PKD1: variants seen among roughly 807,000 people sequenced by gnomAD.
PKD1 encodes the protein polycystin-1.
In PKD1, 81 loss-of-function variants were observed where a neutral mutation model predicts 361.7. That is an observed-to-expected ratio of 0.22 (90% CI 0.19 to 0.27). The LOEUF (loss-of-function observed/expected upper bound fraction) is 0.27. Ranked by LOEUF, PKD1 falls within the 10% of genes least tolerant of loss-of-function variation. The pLI, the probability that PKD1 is intolerant of heterozygous loss-of-function variation, is 1.00. For missense variants in PKD1, 6,399 were observed against 6,118.3 expected (o/e 1.05, Z -1.53); for synonymous variants, 3,615 against 2,818.3 (o/e 1.28, Z -8.95).
intron 39 of PKD1, 111 bp from the exon 40 acceptor site, chr16:2,092,299 C>A: frequency 8.1e-7 from 1 of 1,230,932 alleles, no homozygotes. Flanking sequence ...CCCAGGGAAC[C>A]CTCCCAGCAG....
In PKD1 at chr16:2,097,462, G is replaced by A. The variant is rs545053536; in HGVS notation, c.10262C>T (p.Pro3421Leu). ...AATGGACGGGTCACTGAGCAGGTCC[G>A]GCCAACTGAGCGTTCCCTCGCCGGA... ...WPSGEGTLSW[P>L]DLLSDPSIVG... Residue 3421 changes from proline to leucine, a missense_variant, in exon 33 of 46, where the codon CCG becomes CTG. Physicochemically the swap from Pro to Leu is moderately conservative, Grantham distance 98 (BLOSUM62 -3). Transcript: ENST00000262304. 4.1e-5 allele frequency: 66 copies of A among 1,604,332 alleles called. No homozygotes were observed. Among genetic ancestry groups the A allele is most frequent in the African/African-American group, 3.7e-4 (28 of 75,040 alleles).
chr16:2,128,861 C>T (rs1057234604), intron 1 of PKD1, among the ~76,000 whole-genome samples: 16 of 151,994 alleles, frequency 1.1e-4, no homozygotes, highest in East Asian at 1.9e-4. Context: ...TGCGCCACCA[C>T]GCTCAGCATT....
chr16:2,097,411 G>A lies in PKD1; in HGVS notation c.10313C>T (p.Ala3438Val). ...SIVGSNLRQL[A>V]RGQAGHGLGP... ...CAGCCCATGGCCCGCCTGGCCCCGT[G>A]CCAGCTGCCGCAGATTGCTACCCAC... is the stretch of plus-strand genomic sequence containing the variant. The change falls in exon 33 of 46, where the codon GCA becomes GTA. Residue 3438 changes from alanine (A) to valine (V), a missense_variant. Transcript: ENST00000262304. 1 of 1,609,422 alleles carries A rather than the reference G, an allele frequency of 6.2e-7. No homozygotes were observed. The highest frequency in any genetic ancestry group is 8.5e-7 in the Non-Finnish European group (1 of 1,179,910).
In PKD1 at chr16:2,089,694, G is replaced by C. The variant is rs112780826; in HGVS notation, c.*33C>G. On this transcript the variant is annotated 3_prime_UTR_variant, in exon 46 of 46. Coordinates refer to ENST00000262304, the MANE Select transcript of PKD1 (RefSeq NM_001009944.3). ...AGTAATACTGAGCGGTGTCCACTCCGACTCCACGGCCCACCCCCGCCAGGA... is the reference window on the plus strand; with the variant it reads ...AGTAATACTGAGCGGTGTCCACTCCCACTCCACGGCCCACCCCCGCCAGGA... 3.9e-6 allele frequency: 6 copies of C among 1,554,548 alleles called. No individual in the cohort carries two copies. Among genetic ancestry groups the C allele is most frequent in the Non-Finnish European group, 5.2e-6 (6 of 1,150,238 alleles).
At chr16:2,096,304 G>A (rs1047786108) in intron 34 of PKD1, among the ~76,000 whole-genome samples, 1 of 152,252 alleles carries the variant, frequency 6.6e-6, no homozygotes, top group African/African-American at 2.4e-5. Context: ...ACTGAATCCT[G>A]CAGGCAGCTG....
At position 2,118,409 on chromosome 16, in the gene PKD1, C is replaced by G; in HGVS notation, c.583G>C (p.Val195Leu). 3 of 1,237,504 alleles carry G rather than the reference C, an allele frequency of 2.4e-6. No individual in the cohort carries two copies. Among genetic ancestry groups the G allele is most frequent in the Non-Finnish European group, 3.4e-6 (3 of 875,304 alleles). 76.7% of individuals were successfully genotyped at this position (1,237,504 alleles called of 1,614,324 possible). ...CCTTCGTGGGCAGCTGAAAAGGACA[C>G]TGCTGCCACGGTGCCTGAGCTGTTG... The part of the protein sequence containing the change: ...PDNSSGTVAA[V>L]SFSAAHEGLL... Residue 195 changes from valine to leucine, a missense_variant, in exon 5 of 46, where the codon GTG (valine) becomes CTG (leucine). Transcript: ENST00000262304. This position sits in a 1 kb window ranked among gnomAD's most constrained non-coding sequence, Gnocchi z 6.0.
chr16:2,112,176 C>G (rs1308855647), intron 14 of PKD1, among the ~76,000 whole-genome samples, 164 bp downstream of exon 14: 1 of 152,228 alleles, frequency 6.6e-6, no homozygotes, highest in Non-Finnish European at 1.5e-5. Flanking sequence ...ACTCCCCCCA[C>G]GCCTGGCCCC....
At position 2,119,224 on chromosome 16, in the gene PKD1, C is replaced by A. The variant is rs778483830; in HGVS notation, c.288-39G>T. 1.4e-5 allele frequency: 21 copies of A among 1,475,722 alleles called. No individual in the cohort carries two copies. In the South Asian group the frequency reaches 2.3e-4, roughly 16 times the overall value. 91.4% of individuals were successfully genotyped at this position (1,475,722 alleles called of 1,614,324 possible). ...GGGATTCGGCAAAGCTGATGGAAGC[C>A]CCCACAGCTGAGCAGCAAGAGGCGG... On this transcript the variant is annotated intron_variant, in intron 2 of 45. Transcript: ENST00000262304.
intron 16 of PKD1, chr16:2,107,645 T>C: frequency 1.6e-6 from 1 of 606,398 alleles, no homozygotes; most frequent in Non-Finnish European, 3.0e-6. Context: ...TTGGTATTGC[T>C]AGGGGACTGT....
chr16:2,106,120 C>A lies in PKD1; in HGVS notation c.7674G>T (p.Gln2558His). ...TGAGGGCGACCACAGCGGCTCCCAGCTGGTCCTGCACCACCACGGCCAGGC... is the reference window on the plus strand; with the variant it reads ...TGAGGGCGACCACAGCGGCTCCCAGATGGTCCTGCACCACCACGGCCAGGC... ...EVGLAVVVQD[Q>H]LGAAVVALNR... The change falls in exon 19 of 46, where the codon CAG becomes CAT. Residue 2558 changes from glutamine to histidine, a missense_variant. Transcript: ENST00000262304. The surrounding 1 kb of genome is among the most constrained non-coding windows in gnomAD (Gnocchi z 6.5). 1 of 1,605,394 alleles carries A rather than the reference C, an allele frequency of 6.2e-7. No homozygotes were observed.
In PKD1 at chr16:2,109,520, C is replaced by G; in HGVS notation, c.5647G>C (p.Ala1883Pro). 1 of 1,610,622 alleles carries G rather than the reference C, an allele frequency of 6.2e-7. No homozygotes were observed. The highest frequency in any genetic ancestry group is 8.5e-7 in the Non-Finnish European group (1 of 1,179,316). ...ACCAGGCCCACGATGGGCTCCTCCG[C>G]CGTGAGGTTGTACGTGGCTGAGACC... is the stretch of plus-strand genomic sequence containing the variant. ...SWVSATYNLT[A>P]EEPIVGLVLW... The change falls in exon 15 of 46, where the codon GCG (alanine) becomes CCG (proline). Residue 1883 changes from alanine to proline, a missense_variant. Physicochemically the swap from Ala to Pro is conservative, Grantham distance 27 (BLOSUM62 -1). Coordinates refer to ENST00000262304, the MANE Select transcript of PKD1 (RefSeq NM_001009944.3).
Position 2,111,370 on chromosome 16 carries a change from C to T in PKD1, c.3797G>A (p.Arg1266Gln), listed in dbSNP as rs750930154. The T allele has an allele frequency of 4.3e-5, 70 of 1,610,862 alleles. No individual in the cohort carries two copies. The highest frequency in any genetic ancestry group is 5.0e-5 in the Non-Finnish European group (59 of 1,179,486). The change falls in exon 15 of 46, where the codon CGG becomes CAG. Residue 1266 changes from arginine (R) to glutamine (Q), a missense_variant. Arg to Gln is a conservative substitution (Grantham distance 43). Transcript: ENST00000262304. Reference protein sequence around the residue: ...PEATVEHVYLRAQNCTVTVGA... With the variant: ...PEATVEHVYLQAQNCTVTVGA... The stretch of plus-strand genomic sequence containing the variant: ...CACGGTCACTGTGCAGTTCTGTGCC[C>T]GCAGGTACACATGCTCCACTGTTGC...
rs146169133 is a variant in PKD1 at position 2,111,236 on chromosome 16, C to T, written c.3931G>A (p.Ala1311Thr). 755 of 1,610,790 alleles carry T rather than the reference C, an allele frequency of 4.7e-4. 6 individuals are homozygous for T. The East Asian group carries it at 0.015, about 32-fold the overall frequency. Residue 1311 changes from alanine (A) to threonine (T), a missense_variant, in exon 15 of 46, where the codon GCG (alanine) becomes ACG (threonine). By Grantham distance (58) the Ala-to-Thr change is moderately conservative (BLOSUM62 0). Coordinates refer to ENST00000262304, the MANE Select transcript of PKD1 (RefSeq NM_001009944.3). Reference sequence around the variant, plus strand: ...CCGGTGACGTAGGCCGTGAGCCGCGCGTCAGGCTGCGTGGGGATGCAGGCG... The same window carrying T: ...CCGGTGACGTAGGCCGTGAGCCGCGTGTCAGGCTGCGTGGGGATGCAGGCG... ...PAACIPTQPD[A>T]RLTAYVTGNP...
At chr16:2,112,127 G>A (rs2092527882) in intron 14 of PKD1, among the ~76,000 whole-genome samples, 2 of 152,228 alleles carry the variant, frequency 1.3e-5, no homozygotes, top group Non-Finnish European at 2.9e-5. Context: ...GGCCCGGGGA[G>A]GGCGGGGGGC....
At chr16:2,117,418 A>G (rs2092656908) in intron 6 of PKD1, 71 bp downstream of exon 6, 5 of 1,203,704 alleles carry the variant, frequency 4.2e-6, no homozygotes, top group Non-Finnish European at 5.8e-6. Context: ...GAGACTCCCC[A>G]GCCGCAGGCT....
chr16:2,090,684 A>T lies in PKD1; in HGVS notation c.12128T>A (p.Leu4043Gln). 1.2e-6 allele frequency: 2 copies of T among 1,612,264 alleles called. No homozygotes were observed. Reference protein sequence around the residue: ...LVVLGVAYAQLAILLVSSCVD... With the variant: ...LVVLGVAYAQQAILLVSSCVD... The stretch of plus-strand genomic sequence containing the variant: ...CGCGCAGTCACCTACCAGGATGGCC[A>T]GCTGGGCGTAGGCTACCCCGAGCAC... Residue 4043 changes from leucine to glutamine, a missense_variant, in exon 44 of 46, where the codon CTG becomes CAG. Leu to Gln is a moderately radical substitution (Grantham distance 113). Coordinates refer to ENST00000262304, the MANE Select transcript of PKD1 (RefSeq NM_001009944.3).
At chr16:2,114,982 C>G (rs2092606038) in intron 10 of PKD1, 57 bp from the exon 11 acceptor site, 1 of 1,523,136 alleles carries the variant, frequency 6.6e-7, no homozygotes, top group Non-Finnish European at 8.8e-7. Flanking sequence ...CCGTGGACCC[C>G]CGCACGACGG....
intron 26 of PKD1, among the ~76,000 whole-genome samples, chr16:2,101,044 G>A (rs1337350181): frequency 2.0e-5 from 3 of 151,792 alleles, no homozygotes; most frequent in African/African-American, 7.3e-5. Context: ...GGAGTGCAGT[G>A]GCGCAATCTC....
At position 2,099,307 on chromosome 16, in the gene PKD1, C is replaced by G. The variant is rs916279516; in HGVS notation, c.10050+337G>C. The G allele has an allele frequency of 9.5e-5, 36 of 378,264 alleles. 3 individuals are homozygous for G. The highest frequency in any genetic ancestry group is 4.8e-4 in the South Asian group (23 of 47,592). The allele number at this position is 378,264 out of a possible 1,614,324, so 23.4% of individuals were successfully genotyped here. A position where few individuals can be genotyped will look rare whatever the true frequency, so the allele number is the denominator to read the frequency against. On this transcript the variant is annotated intron_variant, in intron 30 of 45. Transcript: ENST00000262304. ...AGGGACTAACTCAGCCTCTTCACTT[C>G]CTATAGATGTACTGAGATTTTCTTC...
Sources: allele counts gnomAD v4.1 joint callset (sites outside exome capture counted in the v4.1 genomes callset), GRCh38; gene constraint gnomAD v4.1.1; non-coding constraint Gnocchi (gnomAD v3.1); transcripts MANE v1.5; gene names NCBI Gene and HGNC (gene_info 2026-07-23, HGNC 2026-07-21).